Variants in TSEN15 observed in about 807,000 individuals in gnomAD.
The protein encoded by TSEN15 is tRNA-splicing endonuclease subunit Sen15.
Under a neutral mutation model 20.5 loss-of-function variants are expected in TSEN15, and 10 were observed. The ratio of observed to expected loss-of-function variants is 0.49; its 90% CI spans 0.30 to 0.83. The LOEUF is 0.83. Ranked by LOEUF, TSEN15 falls within the 40% of genes least tolerant of loss-of-function variation. The pLI, the probability that TSEN15 is intolerant of heterozygous loss-of-function variation, is 0.06. For missense variants in TSEN15, 180 were observed against 218.6 expected (o/e 0.82, Z 1.11); for synonymous variants, 72 against 80.1 (o/e 0.90, Z 0.54).
intron 3 of TSEN15, among the ~76,000 whole-genome samples, chr1:184,065,531 C>T (rs1650622743): frequency 1.3e-5 from 2 of 152,154 alleles, no homozygotes; most frequent in South Asian, 2.1e-4. Flanking sequence ...TTCTTCACCC[C>T]CAAACACATC....
At chr1:184,092,326 T>C (rs886482299) in intron 3 of TSEN15, among the ~76,000 whole-genome samples, 7 of 152,212 alleles carry the variant, frequency 4.6e-5, no homozygotes, top group Admixed American at 1.3e-4. Flanking sequence ...TTAAAAAATC[T>C]CAATTTAATA....
In TSEN15 at chr1:184,073,038, G is replaced by T. The variant is rs1650950375; in HGVS notation, c.*191G>T. The T allele has an allele frequency of 1.7e-6, 1 of 575,910 alleles. No homozygotes were observed. Among genetic ancestry groups the T allele is most frequent in the South Asian group, 2.5e-5 (1 of 40,238 alleles). 35.7% of individuals were successfully genotyped at this position (575,910 alleles called of 1,614,324 possible). A position where few individuals can be genotyped will look rare whatever the true frequency, so the allele number is the denominator to read the frequency against. On this transcript the variant is annotated 3_prime_UTR_variant, in exon 5 of 5. Coordinates refer to ENST00000645668, the MANE Select transcript of TSEN15 (RefSeq NM_052965.4). ...GACTTTCTCCTTCTTAAAAAATATA[G>T]GGTGATTTCTTTAAAACTTTGTTAT...
exon 4 of TSEN15, chr1:184,095,804 G>C (rs991176370): frequency 2.5e-6 from 1 of 398,402 alleles, no homozygotes; most frequent in East Asian, 3.6e-5. Context: ...TGGATTTCTA[G>C]TGTCCAGAAC....
chr1:184,092,024 G>A (rs1403660865), intron 3 of TSEN15, among the ~76,000 whole-genome samples: 1 of 152,220 alleles, frequency 6.6e-6, no homozygotes, highest in Non-Finnish European at 1.5e-5. Flanking sequence ...ATGGAGACCT[G>A]TGGAAGAGAT....
intron 3 of TSEN15, chr1:184,095,510 C>T (rs1430029725): frequency 1.3e-5 from 5 of 391,514 alleles, no homozygotes; most frequent in Middle Eastern, 6.4e-4. Context: ...TGGAGTTAGG[C>T]CCTATATGGA....
At chr1:184,081,075 A>T (rs1431199645) in intron 3 of TSEN15, among the ~76,000 whole-genome samples, 1 of 152,338 alleles carries the variant, frequency 6.6e-6, no homozygotes, top group South Asian at 2.1e-4. Flanking sequence ...CTAAATGTTT[A>T]TTCTCAATTT....
intron 3 of TSEN15, among the ~76,000 whole-genome samples, chr1:184,088,173 A>C (rs1372913645): frequency 2.0e-5 from 3 of 151,476 alleles, no homozygotes; most frequent in Non-Finnish European, 2.9e-5. Context: ...TCCCTGGCCC[A>C]GAATGACCGG....
chr1:184,079,668 C>A (rs1557888684), intron 3 of TSEN15, among the ~76,000 whole-genome samples: 1 of 152,084 alleles, frequency 6.6e-6, no homozygotes, highest in Non-Finnish European at 1.5e-5. Context: ...CAGATTAGGG[C>A]CCCATCCTTA....
intron 3 of TSEN15, among the ~76,000 whole-genome samples, chr1:184,067,244 T>G (rs1046862442): frequency 6.6e-6 from 1 of 152,184 alleles, no homozygotes; most frequent in African/African-American, 2.4e-5. Flanking sequence ...TCTTACCACT[T>G]ACACTACAAC....
chr1:184,063,616 A>G (rs1251544820), intron 3 of TSEN15, among the ~76,000 whole-genome samples: 1 of 152,002 alleles, frequency 6.6e-6, no homozygotes, highest in Non-Finnish European at 1.5e-5. Context: ...AATTTTAGTT[A>G]TTTTTTCTTT....
chr1:184,071,565 A>T (rs1650883608), intron 3 of TSEN15, among the ~76,000 whole-genome samples: 2 of 152,022 alleles, frequency 1.3e-5, no homozygotes, highest in Admixed American at 6.6e-5. Context: ...TATTAAGCTG[A>T]GAGAAATTGT....
At chr1:184,059,317 G>A (rs909528969) in intron 3 of TSEN15, among the ~76,000 whole-genome samples, 2 of 152,100 alleles carry the variant, frequency 1.3e-5, no homozygotes, top group Non-Finnish European at 2.9e-5. Flanking sequence ...TACCTAGCAT[G>A]GTGTCTAGTC....
At chr1:184,056,331 A>T (rs1185690777) in intron 3 of TSEN15, among the ~76,000 whole-genome samples, 1 of 152,088 alleles carries the variant, frequency 6.6e-6, no homozygotes, top group African/African-American at 2.4e-5. Flanking sequence ...ATTACTCATA[A>T]TACTGAATAT....
intron 3 of TSEN15, among the ~76,000 whole-genome samples, chr1:184,082,938 A>G (rs1282581053): frequency 6.6e-6 from 1 of 152,198 alleles, no homozygotes; most frequent in Non-Finnish European, 1.5e-5. Context: ...GGGAAAATAT[A>G]TCAGTTAATA....
chr1:184,065,983 C>T (rs1003294388), intron 3 of TSEN15, among the ~76,000 whole-genome samples: 3 of 152,122 alleles, frequency 2.0e-5, no homozygotes, highest in African/African-American at 7.2e-5. Flanking sequence ...TTTTGCAGAA[C>T]AGAAGTTTTA....
intron 3 of TSEN15, among the ~76,000 whole-genome samples, chr1:184,083,665 A>G (rs984891836): frequency 1.3e-5 from 2 of 152,192 alleles, no homozygotes; most frequent in African/African-American, 4.8e-5. Flanking sequence ...TGAGATCATT[A>G]GAAAACTTGG....
chr1:184,062,126 C>T (rs904426663), intron 3 of TSEN15, among the ~76,000 whole-genome samples: 2 of 151,974 alleles, frequency 1.3e-5, no homozygotes, highest in Non-Finnish European at 2.9e-5. Context: ...GAAAATTTTG[C>T]TGATGGAGTA....
chr1:184,066,337 C>CAT (rs1258056131), intron 3 of TSEN15, among the ~76,000 whole-genome samples: 1 of 151,382 alleles, frequency 6.6e-6, no homozygotes, highest in African/African-American at 2.4e-5. Flanking sequence ...TTGACCTATT[C>CAT]ATCTATTCCT....
intron 3 of TSEN15, among the ~76,000 whole-genome samples, chr1:184,066,635 A>G (rs1572710810): frequency 6.6e-6 from 1 of 152,016 alleles, no homozygotes; most frequent in South Asian, 2.1e-4. Context: ...CAAACTCCTA[A>G]CCTCAAGTGA....
Sources: gnomAD v4.1 joint callset for allele counts (sites outside exome capture counted in the v4.1 genomes callset) on GRCh38, gnomAD v4.1.1 for gene constraint, MANE v1.5 for transcripts, NCBI Gene and HGNC (gene_info 2026-07-23, HGNC 2026-07-21) for gene names.